Variants in REEP5 observed in about 807,000 individuals in gnomAD.
REEP5 encodes the protein receptor expression-enhancing protein 5.
In REEP5, 24 loss-of-function variants were observed where a neutral mutation model predicts 22.4. The ratio of observed to expected loss-of-function variants is 1.07; its 90% CI spans 0.78 to 1.51. The LOEUF is 1.51. Ranked by LOEUF, REEP5 falls within the 40% of genes most tolerant of loss-of-function variation. REEP5 has a pLI of 0.00. For synonymous variants in REEP5, 103 were observed against 88.6 expected (o/e 1.16, Z -0.92); for missense variants, 252 against 233.0 (o/e 1.08, Z -0.53).
chr5:112,918,333 C>T (rs1013358513), intron 2 of REEP5, among the ~76,000 whole-genome samples: 4 of 152,292 alleles, frequency 2.6e-5, no homozygotes, highest in Non-Finnish European at 4.4e-5. Flanking sequence ...CATGCTCCAA[C>T]GTGCAGCAGA....
intron 1 of REEP5, 25 bp from the exon 2 acceptor site, chr5:112,921,281 G>A (rs1769356479): frequency 6.2e-7 from 1 of 1,610,746 alleles, no homozygotes; most frequent in Non-Finnish European, 8.5e-7. Context: ...GAGAGAAGTG[G>A]GTCGGGCAGC....
In REEP5 at chr5:112,892,844, G is replaced by GA. The variant is rs761085464; in HGVS notation, c.352-5662dup. 8.7e-6 allele frequency: 14 copies of GA among 1,613,406 alleles called. No individual in the cohort carries two copies. In the East Asian group the frequency reaches 8.9e-5, roughly 10 times the overall value. ...TACAAAAGAAATGGGGAATCCGAGAGAAAAAAGAGTAGTCATAGGGGGAAG... is the reference window on the plus strand; with the variant it reads ...TACAAAAGAAATGGGGAATCCGAGAGAAAAAAAGAGTAGTCATAGGGGGAAG... On this transcript the variant is annotated intron_variant, in intron 3 of 4. Coordinates refer to ENST00000379638, the MANE Select transcript of REEP5 (RefSeq NM_005669.5).
At chr5:112,921,942 T>C (rs1369902564) in intron 1 of REEP5, 131 bp downstream of exon 1, 9 of 1,196,594 alleles carry the variant, frequency 7.5e-6, no homozygotes, top group Non-Finnish European at 6.7e-6. Context: ...GCCTGATCCC[T>C]GAATATGCTG....
chr5:112,901,183 T>G (rs1313830410), intron 3 of REEP5, among the ~76,000 whole-genome samples: 4 of 152,132 alleles, frequency 2.6e-5, no homozygotes, highest in Non-Finnish European at 4.4e-5. Context: ...ACTACAAGTT[T>G]TGGTCAGGAG....
chr5:112,916,370 G>A (rs536402347), intron 2 of REEP5, among the ~76,000 whole-genome samples: 3 of 152,306 alleles, frequency 2.0e-5, no homozygotes, highest in Admixed American at 6.5e-5. Context: ...TAAAGGCAAC[G>A]CTGCATCCCC....
At chr5:112,886,088 G>C (rs1283625353) in intron 4 of REEP5, among the ~76,000 whole-genome samples, 1 of 152,208 alleles carries the variant, frequency 6.6e-6, no homozygotes, top group African/African-American at 2.4e-5. Flanking sequence ...TCTTTCACCA[G>C]CTGGTTAGTG....
chr5:112,892,939 C>T lies in REEP5; in HGVS notation c.352-5756G>A, dbSNP rs61733663. The T allele has an allele frequency of 1.7e-5, 27 of 1,599,880 alleles. 2 individuals are homozygous for T. The South Asian group carries it at 2.8e-4, about 16-fold the overall frequency. Reference sequence around the variant, plus strand: ...ACCAAGCAGAGGAAGAAATAGGCACCGCAGCTGGGACCAGGGCCGCCGGAG... The same window carrying T: ...ACCAAGCAGAGGAAGAAATAGGCACTGCAGCTGGGACCAGGGCCGCCGGAG... On this transcript the variant is annotated intron_variant, in intron 3 of 4. Transcript: ENST00000379638.
intron 3 of REEP5, chr5:112,891,561 A>T: frequency 1.3e-6 from 2 of 1,543,454 alleles, no homozygotes; most frequent in South Asian, 2.4e-5. Flanking sequence ...AGAATCACTG[A>T]CAGTGGCAGC....
At chr5:112,880,610 A>C (rs762084578) in intron 4 of REEP5, among the ~76,000 whole-genome samples, 4 of 152,256 alleles carry the variant, frequency 2.6e-5, no homozygotes, top group Admixed American at 2.6e-4. Context: ...AAAAGCTTTG[A>C]GAAAAGTCTA....
intron 2 of REEP5, among the ~76,000 whole-genome samples, chr5:112,914,501 C>G (rs193527): frequency 2.6e-5 from 4 of 151,660 alleles, no homozygotes; most frequent in East Asian, 1.9e-4. Context: ...GCCTGTCCCC[C>G]CAAAAAAACT....
chr5:112,919,716 C>T (rs1472608600), intron 2 of REEP5, among the ~76,000 whole-genome samples: 1 of 152,116 alleles, frequency 6.6e-6, no homozygotes, highest in Non-Finnish European at 1.5e-5. Context: ...AAGCCCTCAC[C>T]GGACACCAAA....
chr5:112,913,980 C>T (rs1468858227), intron 2 of REEP5, among the ~76,000 whole-genome samples: 2 of 151,570 alleles, frequency 1.3e-5, no homozygotes, highest in Non-Finnish European at 2.9e-5. Flanking sequence ...ATGGCAAAAC[C>T]CCATCTCTAC....
At chr5:112,905,465 C>T (rs375696467) in intron 2 of REEP5, among the ~76,000 whole-genome samples, 6 of 150,550 alleles carry the variant, frequency 4.0e-5, no homozygotes, top group South Asian at 4.2e-4. Flanking sequence ...CACTTGAACC[C>T]GGGAGGCGGG....
At chr5:112,910,624 A>G (rs1580752524) in intron 2 of REEP5, among the ~76,000 whole-genome samples, 1 of 152,146 alleles carries the variant, frequency 6.6e-6, no homozygotes, top group East Asian at 1.9e-4. Flanking sequence ...ATAACTTCCA[A>G]ATTTATATCT....
chr5:112,886,327 T>C (rs952563208), intron 4 of REEP5, among the ~76,000 whole-genome samples: 4 of 152,192 alleles, frequency 2.6e-5, no homozygotes, highest in Admixed American at 6.5e-5. Context: ...GGTTTTGAGG[T>C]TGTACTTTTT....
At chr5:112,889,368 A>G (rs1351854455) in intron 3 of REEP5, among the ~76,000 whole-genome samples, 2 of 150,916 alleles carry the variant, frequency 1.3e-5, no homozygotes, top group Non-Finnish European at 2.9e-5. Flanking sequence ...TGGGAAAGAT[A>G]TATCAGACAA....
intron 2 of REEP5, among the ~76,000 whole-genome samples, chr5:112,903,575 A>G (rs1390550551): frequency 6.6e-6 from 1 of 152,218 alleles, no homozygotes; most frequent in Non-Finnish European, 1.5e-5. Context: ...CCAAAAACCT[A>G]TTGAAATAAA....
Position 112,887,174 on chromosome 5 carries a change from G to A in REEP5, c.361C>T (p.Leu121=). The A allele has an allele frequency of 6.3e-7, 1 of 1,599,240 alleles. No homozygotes were observed. Among genetic ancestry groups the A allele is most frequent in the Non-Finnish European group, 8.5e-7 (1 of 1,170,332 alleles). The part of the protein sequence containing the change: ...PFYYMLKCGF[L]LWCMAPSPSN... ...GGGCTCGGGGCCATGCACCACAACA[G>A]GAAGCCACACTGCACAGAAAAAGAG... is the stretch of plus-strand genomic sequence containing the variant. Residue 121 remains leucine, a synonymous_variant, in exon 4 of 5, where the codon CTG becomes TTG. Transcript: ENST00000379638.
chr5:112,882,000 G>A (rs1169464104), intron 4 of REEP5: 8 of 151,174 alleles, frequency 5.3e-5, no homozygotes, highest in Admixed American at 3.3e-4. Context: ...TCAAACACCT[G>A]AGCTCAAGCA....
Sources: gnomAD v4.1 joint callset for allele counts (sites outside exome capture counted in the v4.1 genomes callset) on GRCh38, gnomAD v4.1.1 for gene constraint, MANE v1.5 for transcripts, NCBI Gene and HGNC (gene_info 2026-07-23, HGNC 2026-07-21) for gene names.